The following CUL3 variants were observed in gnomAD, a reference collection of about 807,000 sequenced individuals.
CUL3 encodes cullin 3, also known as cullin-3.
A neutral mutation model predicts 89.1 loss-of-function variants in CUL3; 19 were observed. The ratio of observed to expected loss-of-function variants is 0.21; its 90% confidence interval spans 0.15 to 0.31. CUL3 has a LOEUF of 0.31. Ranked by LOEUF, CUL3 falls within the 10% of genes least tolerant of loss-of-function variation. CUL3 has a pLI of 1.00. For missense variants in CUL3, 469 were observed against 942.3 expected, an observed-to-expected ratio of 0.50 and a Z score of 6.58; for synonymous variants, 351 against 308.4, an observed-to-expected ratio of 1.14 and a Z score of -1.45.
intron 2 of CUL3, among the ~76,000 whole-genome samples, chr2:224,543,481 G>C (rs1192521922): frequency 5.9e-5 from 9 of 152,122 alleles, no homozygotes; most frequent in Non-Finnish European, 1.2e-4. Context: ...CAGAAGCTAA[G>C]ATAATAAAAA....
Position 224,506,049 on chromosome 2 carries a change from C to G in CUL3, c.1113G>C (p.Ala371=), listed in dbSNP as rs922963076. The change falls in exon 8 of 16, where the codon GCG becomes GCC. Residue 371 remains alanine, a synonymous_variant. Coordinates refer to ENST00000264414, the MANE Select transcript of CUL3 (RefSeq NM_003590.5). ...GGTTGAGAAAATACTCAAAGTCACC[C>G]GCAATAGTTTGTTTAAAGAGACGGT... is the stretch of plus-strand genomic sequence containing the variant. ...NNDRLFKQTI[A]GDFEYFLNLN... 6.2e-7 allele frequency: 1 copy of G among 1,612,600 alleles called. No homozygotes were observed. The highest frequency in any genetic ancestry group is 8.5e-7 in the Non-Finnish European group (1 of 1,179,106).
At chr2:224,578,536 T>A (rs1049447540) in intron 1 of CUL3, among the ~76,000 whole-genome samples, 4 of 152,250 alleles carry the variant, frequency 2.6e-5, no homozygotes, top group Admixed American at 2.0e-4. Flanking sequence ...TACATCATTG[T>A]TATAATTAGA....
intron 13 of CUL3, 117 bp downstream of exon 13, chr2:224,495,715 G>T: frequency 1.3e-6 from 1 of 777,202 alleles, no homozygotes; most frequent in Non-Finnish European, 2.0e-6. Flanking sequence ...ATTTTATACA[G>T]TTTTCTCTAA....
intron 15 of CUL3, among the ~76,000 whole-genome samples, chr2:224,476,086 C>T (rs529497351): frequency 3.3e-5 from 5 of 151,828 alleles, no homozygotes; most frequent in South Asian, 2.1e-4. Context: ...TACAATGGCA[C>T]GATCTCGGCT....
rs1691688623 is a variant in CUL3, at chr2:224,485,637, C to T, written c.1843-3559G>A. ...ACGGGCTTGTAAATAAAACTCCCAT[C>T]TCCCTGGGACAGAGCACCTGGGAAG... On this transcript the variant is annotated intron_variant, in intron 13 of 15. Transcript: ENST00000264414. This position sits in a 1 kb window ranked among gnomAD's most constrained non-coding sequence, Gnocchi z 4.1. Among the ~76,000 whole-genome samples the T allele has an allele frequency of 6.6e-6, 1 of 152,206 alleles. No individual in the cohort carries two copies. The highest frequency in any genetic ancestry group is 1.5e-5 in the Non-Finnish European group (1 of 68,034).
At chr2:224,486,579 A>G (rs1691731935) in intron 13 of CUL3, among the ~76,000 whole-genome samples, 2 of 138,478 alleles carry the variant, frequency 1.4e-5, no homozygotes, top group African/African-American at 6.0e-5. Flanking sequence ...AAAAGAATGA[A>G]AAGGAACAAA....
intron 2 of CUL3, among the ~76,000 whole-genome samples, chr2:224,543,098 A>T (rs1694176993): frequency 6.6e-6 from 1 of 152,228 alleles, no homozygotes; most frequent in African/African-American, 2.4e-5. Context: ...TCCTAATTAA[A>T]TGTCTAGGTA....
intron 1 of CUL3, among the ~76,000 whole-genome samples, chr2:224,573,826 C>A (rs570663212): frequency 3.3e-5 from 5 of 152,028 alleles, no homozygotes; most frequent in African/African-American, 1.2e-4. Context: ...ACAGGAGTAA[C>A]CACATTATAC....
rs777896121 is a variant in CUL3, at chr2:224,511,421, G to A, written c.816C>T (p.His272=). The change falls in exon 6 of 16, where the codon CAC becomes CAT. Residue 272 remains histidine (H), a synonymous_variant. Transcript: ENST00000264414. ...TCTCCATTTCTACTATAGTCTTCATGTGCTTGGAAATGAGTTCCCTTTCAA... is the reference window on the plus strand; with the variant it reads ...TCTCCATTTCTACTATAGTCTTCATATGCTTGGAAATGAGTTCCCTTTCAA... ...KVVERELISK[H]MKTIVEMENS... 5.6e-6 allele frequency: 9 copies of A among 1,613,616 alleles called. No homozygotes were observed. The East Asian group carries it at 1.8e-4, about 32-fold the overall frequency.
intron 1 of CUL3, among the ~76,000 whole-genome samples, chr2:224,574,695 T>A (rs1695261105): frequency 6.6e-6 from 1 of 152,192 alleles, no homozygotes; most frequent in African/African-American, 2.4e-5. Context: ...GAATTATAGT[T>A]GAAAATTTTG....
chr2:224,478,383 T>A (rs2106143850), intron 14 of CUL3, 38 bp from the exon 15 acceptor site: 2 of 1,579,794 alleles, frequency 1.3e-6, no homozygotes, highest in African/African-American at 2.7e-5. Flanking sequence ...TAAATCTAAT[T>A]TTAAAATTTG....
chr2:224,512,369 T>A (rs1692863652), intron 5 of CUL3, among the ~76,000 whole-genome samples: 3 of 152,214 alleles, frequency 2.0e-5, no homozygotes, highest in African/African-American at 7.2e-5. Context: ...GTGCTGGGAT[T>A]ACAGGCGTGA....
At chr2:224,572,603 T>C (rs1372756949) in intron 1 of CUL3, among the ~76,000 whole-genome samples, 1 of 126,676 alleles carries the variant, frequency 7.9e-6, no homozygotes, top group Non-Finnish European at 1.6e-5. Flanking sequence ...ATCAAGCCAC[T>C]GCAATCCAGC....
At chr2:224,546,256 A>C (rs6713629) in intron 2 of CUL3, among the ~76,000 whole-genome samples, 3 of 152,004 alleles carry the variant, frequency 2.0e-5, no homozygotes, top group Non-Finnish European at 4.4e-5. Context: ...CATGACAACA[A>C]AGCTACCAGT....
chr2:224,517,401 G>A (rs928043687), intron 3 of CUL3, among the ~76,000 whole-genome samples: 5 of 152,096 alleles, frequency 3.3e-5, no homozygotes, highest in South Asian at 2.1e-4. Flanking sequence ...GGCCAGGTGC[G>A]GTGGCTCACG....
chr2:224,561,053 A>T (rs994045333), intron 1 of CUL3, among the ~76,000 whole-genome samples: 1 of 152,126 alleles, frequency 6.6e-6, no homozygotes, highest in Non-Finnish European at 1.5e-5. Context: ...GAAGTTTTAA[A>T]TGCCCACCTT....
Position 224,507,638 on chromosome 2 carries a change from A to G in CUL3, c.884-635T>C, listed in dbSNP as rs141442443. On this transcript the variant is annotated intron_variant, in intron 6 of 15. Transcript: ENST00000264414. ...CAATCCCTAATGTTTCCCAGGTAGC[A>G]TCCTAAGCCAATATCTGTACTTCAA... Among the ~76,000 whole-genome samples, 757 of 152,274 alleles carry G rather than the reference A, an allele frequency of 5.0e-3. 8 individuals carry two copies. The highest frequency in any genetic ancestry group is 0.017 in the African/African-American group (699 of 41,562).
chr2:224,472,172 T>C lies in CUL3; in HGVS notation c.*2073A>G, dbSNP rs10498161. On this transcript the variant is annotated 3_prime_UTR_variant, in exon 16 of 16. Transcript: ENST00000264414. ...TTTAATGTATTTAGAAGCATAAATA[T>C]CAAACCTGTGCTCCAAAGTTAACAA... 0.18 allele frequency: 40,169 copies of C among 226,464 alleles called. 4,106 individuals are homozygous for C. Among genetic ancestry groups the C allele is most frequent in the East Asian group, 0.29 (4,533 of 15,622 alleles). The allele number at this position is 226,464 out of a possible 1,614,324, so 14.0% of individuals were successfully genotyped here.
chr2:224,524,317 C>G (rs1412102819), intron 3 of CUL3, among the ~76,000 whole-genome samples: 1 of 151,966 alleles, frequency 6.6e-6, no homozygotes, highest in African/African-American at 2.4e-5. Flanking sequence ...CTTAAGATGT[C>G]AAGGTTCTGA....
Sources: allele counts gnomAD v4.1 joint callset (sites outside exome capture counted in the v4.1 genomes callset), GRCh38; gene constraint gnomAD v4.1.1; non-coding constraint Gnocchi (gnomAD v3.1); transcripts MANE v1.5; gene names NCBI Gene and HGNC (gene_info 2026-07-23, HGNC 2026-07-21).